The following TSHZ2 variants were observed in gnomAD, a reference collection of about 807,000 sequenced individuals.
TSHZ2 encodes the protein teashirt zinc finger homeobox 2, also known as teashirt homolog 2.
TSHZ2 carries 21 observed loss-of-function variants against 74.4 expected under a neutral mutation model. The ratio of observed to expected loss-of-function variants is 0.28; its 90% CI spans 0.20 to 0.41. The LOEUF is 0.41. Among genes scored for constraint, TSHZ2 ranks in the 10% least tolerant of loss-of-function variants. The pLI is 1.00. For synonymous variants in TSHZ2, 540 were observed against 515.3 expected, an observed-to-expected ratio of 1.05 and a Z score of -0.65; for missense variants, 1,244 against 1,293.5, an observed-to-expected ratio of 0.96 and a Z score of 0.59.
chr20:53,198,817 T>C (rs937388425), intron 1 of TSHZ2, among the ~76,000 whole-genome samples: 1 of 152,204 alleles, frequency 6.6e-6, no homozygotes, highest in Non-Finnish European at 1.5e-5. Context: ...CTTGGGCATG[T>C]TAAGGCTTGA....
In TSHZ2 at chr20:52,973,264, G is replaced by T. The variant is rs1568699061; in HGVS notation, c.-30G>T. On this transcript the variant is annotated 5_prime_UTR_variant, in exon 1 of 3. Coordinates refer to ENST00000371497, the MANE Select transcript of TSHZ2 (RefSeq NM_173485.6). Reference sequence around the variant, plus strand: ...CCAGCGCGCGGCTCGGGGCTGGGGCGCCAGAAGTGGGACTGGAGCGAAGTA... The same window carrying T: ...CCAGCGCGCGGCTCGGGGCTGGGGCTCCAGAAGTGGGACTGGAGCGAAGTA... 3 of 1,551,906 alleles carry T rather than the reference G, an allele frequency of 1.9e-6. No individual in the cohort carries two copies. Among genetic ancestry groups the T allele is most frequent in the African/African-American group, 1.4e-5 (1 of 73,260 alleles).
intron 2 of TSHZ2, among the ~76,000 whole-genome samples, chr20:53,359,928 G>T (rs752357123): frequency 6.6e-6 from 1 of 152,162 alleles, no homozygotes; most frequent in Non-Finnish European, 1.5e-5. Flanking sequence ...AAACATCGTG[G>T]GGGAAAGTCA....
chr20:52,996,496 C>T (rs1982201134), intron 1 of TSHZ2, among the ~76,000 whole-genome samples: 1 of 152,110 alleles, frequency 6.6e-6, no homozygotes, highest in Admixed American at 6.5e-5. Context: ...GGTAGTATCA[C>T]TTCCTGCTTT....
intron 2 of TSHZ2, among the ~76,000 whole-genome samples, chr20:53,382,777 C>A (rs1316197755): frequency 6.6e-6 from 1 of 152,154 alleles, no homozygotes; most frequent in Non-Finnish European, 1.5e-5. Context: ...AAACTGCAGA[C>A]TTTCATGACC....
chr20:53,191,606 T>G (rs1159666758), intron 1 of TSHZ2, among the ~76,000 whole-genome samples: 1 of 152,254 alleles, frequency 6.6e-6, no homozygotes, highest in African/African-American at 2.4e-5. Context: ...GAGGCTGCAG[T>G]GAGCTGGGAT....
intron 2 of TSHZ2, among the ~76,000 whole-genome samples, chr20:53,471,803 C>CTTTTTT (rs58027394): frequency 3.4e-5 from 3 of 87,278 alleles, no homozygotes; most frequent in Non-Finnish European, 4.5e-5. Context: ...CTTTTCTTTT[C>CTTTTTT]TTTTTTTTTT....
At chr20:53,045,396 C>T (rs1984191788) in intron 1 of TSHZ2, among the ~76,000 whole-genome samples, 1 of 152,310 alleles carries the variant, frequency 6.6e-6, no homozygotes, top group Middle Eastern at 3.4e-3. Flanking sequence ...TTCCACAGTC[C>T]ACTGGTAGTT....
chr20:53,222,259 G>A (rs1989582125), intron 1 of TSHZ2, among the ~76,000 whole-genome samples: 1 of 152,106 alleles, frequency 6.6e-6, no homozygotes, highest in South Asian at 2.1e-4. Flanking sequence ...ACCCAAGGGT[G>A]GCATTGCTTT....
intron 2 of TSHZ2, among the ~76,000 whole-genome samples, chr20:53,469,584 G>T (rs1420320296): frequency 7.3e-6 from 1 of 137,858 alleles, no homozygotes; most frequent in African/African-American, 2.8e-5. Flanking sequence ...AAGGAAGGAA[G>T]GAAGGAAGGA....
intron 2 of TSHZ2, among the ~76,000 whole-genome samples, chr20:53,264,315 T>A (rs577178231): frequency 6.6e-6 from 1 of 152,124 alleles, no homozygotes; most frequent in South Asian, 2.1e-4. Context: ...CACACAGCAG[T>A]AGCACAGCAG....
chr20:53,385,775 G>C, intron 2 of TSHZ2, among the ~76,000 whole-genome samples: 1 of 152,082 alleles, frequency 6.6e-6, no homozygotes, highest in East Asian at 1.9e-4. Context: ...GGATAACAAC[G>C]AGGAACAAAG....
At chr20:52,991,822 GC>G (rs1982009317) in intron 1 of TSHZ2, among the ~76,000 whole-genome samples, 2 of 151,606 alleles carry the variant, frequency 1.3e-5, no homozygotes, top group South Asian at 4.2e-4. Flanking sequence ...AGTGTGAAAA[GC>G]TTTTCTGGTG....
chr20:53,204,163 C>CTAT (rs11471549), intron 1 of TSHZ2, among the ~76,000 whole-genome samples: 3 of 55,386 alleles, frequency 5.4e-5, no homozygotes, highest in African/African-American at 1.2e-4. Flanking sequence ...TGATATGATA[C>CTAT]TATATCATCA....
intron 1 of TSHZ2, among the ~76,000 whole-genome samples, chr20:53,015,796 G>A (rs906441772): frequency 1.3e-5 from 2 of 152,126 alleles, no homozygotes; most frequent in Non-Finnish European, 2.9e-5. Context: ...GGGACAGGAT[G>A]GGAGGGTGAG....
At chr20:53,170,133 G>C (rs996484586) in intron 1 of TSHZ2, among the ~76,000 whole-genome samples, 1 of 152,140 alleles carries the variant, frequency 6.6e-6, no homozygotes, top group Non-Finnish European at 1.5e-5. Context: ...TACAGAGCCA[G>C]GTTTTGAATG....
intron 2 of TSHZ2, among the ~76,000 whole-genome samples, chr20:53,404,078 T>C (rs561266592): frequency 6.6e-6 from 1 of 152,234 alleles, no homozygotes; most frequent in African/African-American, 2.4e-5. Flanking sequence ...TTGTGTCTAG[T>C]CAATTACAAG....
intron 1 of TSHZ2, among the ~76,000 whole-genome samples, chr20:53,064,516 C>T (rs545686433): frequency 5.9e-5 from 9 of 152,056 alleles, no homozygotes; most frequent in African/African-American, 2.2e-4. Context: ...AAGACACACA[C>T]ACACTACTTG....
At chr20:52,984,640 G>A (rs966094687) in intron 1 of TSHZ2, among the ~76,000 whole-genome samples, 2 of 152,142 alleles carry the variant, frequency 1.3e-5, no homozygotes, top group Non-Finnish European at 2.9e-5. Context: ...GGGGTGCCTC[G>A]GAGGGTGCAG....
At chr20:53,371,114 T>C (rs1981453946) in intron 2 of TSHZ2, among the ~76,000 whole-genome samples, 1 of 152,140 alleles carries the variant, frequency 6.6e-6, no homozygotes, top group Admixed American at 6.5e-5. Context: ...CAGTCATTGC[T>C]TTTCGGGCCT....
Sources: gnomAD v4.1 joint callset for allele counts (sites outside exome capture counted in the v4.1 genomes callset) on GRCh38, gnomAD v4.1.1 for gene constraint, MANE v1.5 for transcripts, NCBI Gene and HGNC (gene_info 2026-07-23, HGNC 2026-07-21) for gene names.